Variants in UBN1 observed in about 807,000 individuals in gnomAD.
The protein encoded by UBN1 is ubinuclein 1, also known as ubinuclein-1.
A neutral mutation model predicts 108.5 loss-of-function variants in UBN1; 17 were observed. The ratio of observed to expected loss-of-function variants is 0.16; its 90% CI spans 0.11 to 0.24. UBN1 has a LOEUF of 0.24. Ranked by LOEUF, UBN1 falls within the 10% of genes least tolerant of loss-of-function variation. The pLI, the probability that UBN1 is intolerant of heterozygous loss-of-function variation, is 1.00. For missense variants in UBN1, 1,595 were observed against 1,394.4 expected (o/e 1.14, Z -2.29); for synonymous variants, 726 against 564.2 (o/e 1.29, Z -4.07).
rs765016388 is a variant in UBN1, at chr16:4,858,006, A to G, written c.266A>G (p.Asp89Gly). The part of the protein sequence containing the change: ...QPGDKKKDLS[D>G]PFNDEEKERH... ...TCTTTACAGAAGAAAGATCTGTCAGATCCTTTCAATGACGAAGAAAAGGAA... is the reference window on the plus strand; with the variant it reads ...TCTTTACAGAAGAAAGATCTGTCAGGTCCTTTCAATGACGAAGAAAAGGAA... The change falls in exon 3 of 18, where the codon GAT becomes GGT. Residue 89 changes from aspartate (D) to glycine (G), a missense_variant. Physicochemically the swap from Asp to Gly is moderately conservative, Grantham distance 94. This residue lies in a region of UBN1 where 181 missense variants were observed against 157.3 expected (regional missense o/e 1.15). Coordinates refer to ENST00000262376, the MANE Select transcript of UBN1 (RefSeq NM_001079514.3). 3 of 1,612,830 alleles carry G rather than the reference A, an allele frequency of 1.9e-6. No homozygotes were observed. The highest frequency in any genetic ancestry group is 2.5e-6 in the Non-Finnish European group (3 of 1,179,396).
At chr16:4,879,541 GCTT>G (rs2088017150) in intron 17 of UBN1, among the ~76,000 whole-genome samples, 2 of 152,216 alleles carry the variant, frequency 1.3e-5, no homozygotes, top group South Asian at 4.1e-4. Context: ...ATCCAAGTGA[GCTT>G]CTCTCACTTC....
intron 7 of UBN1, 84 bp downstream of exon 7, chr16:4,861,186 A>G (rs2142174493): frequency 2.1e-6 from 3 of 1,437,768 alleles, no homozygotes; most frequent in Middle Eastern, 2.5e-4. Flanking sequence ...AAGCTTGCCC[A>G]GAGAAACTCT....
At chr16:4,875,573 A>G in intron 15 of UBN1, 139 bp downstream of exon 15, 1 of 1,276,778 alleles carries the variant, frequency 7.8e-7, no homozygotes, top group Non-Finnish European at 1.1e-6. Context: ...GTAGGAAGGG[A>G]GACTGGGCTC....
intron 2 of UBN1, among the ~76,000 whole-genome samples, chr16:4,853,403 G>A (rs2086645172): frequency 6.6e-6 from 1 of 152,082 alleles, no homozygotes; most frequent in Admixed American, 6.5e-5. Flanking sequence ...ATTTTTCTCT[G>A]CCAAGGTTAT....
In UBN1 at chr16:4,877,460, C is replaced by A. The variant is rs747249805; in HGVS notation, c.3341C>A (p.Pro1114Gln). 1 of 1,610,976 alleles carries A rather than the reference C, an allele frequency of 6.2e-7. No homozygotes were observed. The highest frequency in any genetic ancestry group is 1.7e-5 in the Admixed American group (1 of 59,884). The change falls in exon 17 of 18, where the codon CCG becomes CAG. Residue 1114 changes from proline (P) to glutamine (Q), a missense_variant. By Grantham distance (76) the Pro-to-Gln change is moderately conservative. Transcript: ENST00000262376. The surrounding 1 kb of genome is among the most constrained non-coding windows in gnomAD (Gnocchi z 4.3). ...LPHAAVPTHI[P>Q]QSLPGASQLH... ...CACGCTGCGGTGCCCACCCATATCC[C>A]GCAGAGTCTGCCAGGTAATCACCCG...
At chr16:4,862,199 G>A (rs541119209) in intron 7 of UBN1, among the ~76,000 whole-genome samples, 49 of 152,318 alleles carry the variant, frequency 3.2e-4, no homozygotes, top group African/African-American at 1.1e-3. Flanking sequence ...GATTCTTACA[G>A]TATTTCAGAA....
chr16:4,871,411 C>T (rs2087624189), intron 12 of UBN1, 110 bp downstream of exon 12: 1 of 1,465,332 alleles, frequency 6.8e-7, no homozygotes, highest in African/African-American at 1.4e-5. Flanking sequence ...TGTCTAGCTG[C>T]CTCAACTCTG....
At chr16:4,871,735 T>C (rs547265404) in intron 12 of UBN1, among the ~76,000 whole-genome samples, 3 of 151,982 alleles carry the variant, frequency 2.0e-5, no homozygotes, top group South Asian at 2.1e-4. Flanking sequence ...TACAGGTGCC[T>C]GCCACCATGC....
rs201595576 is a variant in UBN1 at position 4,853,032 on chromosome 16, G to C, written c.115G>C (p.Glu39Gln). Residue 39 changes from glutamate to glutamine, a missense_variant, in exon 2 of 18, where the codon GAG (glutamate) becomes CAG (glutamine). Coordinates refer to ENST00000262376, the MANE Select transcript of UBN1 (RefSeq NM_001079514.3). Reference protein sequence around the residue: ...AGAGEQHQDCEPAAAAVRITL... With the variant: ...AGAGEQHQDCQPAAAAVRITL... ...GGCAGGAGAACAGCATCAGGACTGT[G>C]AGCCGGCTGCAGCAGCTGTTCGGAT... 1.9e-6 allele frequency: 3 copies of C among 1,614,210 alleles called. No homozygotes were observed. The East Asian group carries it at 6.7e-5, about 36-fold the overall frequency.
intron 1 of UBN1, among the ~76,000 whole-genome samples, chr16:4,851,687 G>C (rs73517042): frequency 0.22 from 33,738 of 151,992 alleles, 4,295 homozygotes; most frequent in South Asian, 0.29. Context: ...AGGCATGGTG[G>C]GATATACCTG....
chr16:4,877,281 T>A lies in UBN1; in HGVS notation c.3266-104T>A. 1 of 1,525,272 alleles carries A rather than the reference T, an allele frequency of 6.6e-7. No homozygotes were observed. Among genetic ancestry groups the A allele is most frequent in the Non-Finnish European group, 8.8e-7 (1 of 1,131,404 alleles). The allele number at this position is 1,525,272 out of a possible 1,614,324, so 94.5% of individuals were successfully genotyped here. A position where few individuals can be genotyped will look rare whatever the true frequency, so the allele number is the denominator to read the frequency against. The stretch of plus-strand genomic sequence containing the variant: ...GCCCCTTTGGGTGTGGTGCCCAGAC[T>A]GGCCTGGCAGGTTATCGGGGGCTTT... On this transcript the variant is annotated intron_variant, in intron 16 of 17. Transcript: ENST00000262376. This position sits in a 1 kb window ranked among gnomAD's most constrained non-coding sequence, Gnocchi z 4.3.
chr16:4,863,829 A>T (rs758568161), intron 7 of UBN1, among the ~76,000 whole-genome samples: 2 of 151,878 alleles, frequency 1.3e-5, no homozygotes, highest in African/African-American at 4.8e-5. Context: ...CTGGCCTTTC[A>T]TCCTGCCTTC....
intron 12 of UBN1, 145 bp downstream of exon 12, chr16:4,871,446 A>C (rs1175378548): frequency 8.3e-7 from 1 of 1,205,132 alleles, no homozygotes; most frequent in Non-Finnish European, 1.1e-6. Flanking sequence ...ACTGGGGGAC[A>C]TGCAGGTAGC....
chr16:4,856,945 G>A (rs952532271), intron 2 of UBN1, among the ~76,000 whole-genome samples: 1 of 152,178 alleles, frequency 6.6e-6, no homozygotes, highest in Non-Finnish European at 1.5e-5. Context: ...ATGGGAGGGT[G>A]AGATAAGAAA....
chr16:4,854,247 G>A (rs28846492), intron 2 of UBN1, among the ~76,000 whole-genome samples: 84,137 of 151,262 alleles, frequency 0.56, 24,635 homozygotes, highest in African/African-American at 0.74. Context: ...GTTAGTCAGG[G>A]TGGTCTCGAT....
chr16:4,866,841 G>T (rs1383292139), intron 7 of UBN1, among the ~76,000 whole-genome samples: 1 of 152,176 alleles, frequency 6.6e-6, no homozygotes, highest in Non-Finnish European at 1.5e-5. Flanking sequence ...TCATGAGCTC[G>T]TTACATAAAT....
intron 12 of UBN1, among the ~76,000 whole-genome samples, chr16:4,871,638 G>A (rs928532248): frequency 1.2e-4 from 16 of 137,060 alleles, no homozygotes; most frequent in Non-Finnish European, 2.4e-4. Context: ...CTGGGCTGGA[G>A]TGCAGTGGTA....
At chr16:4,861,460 AC>A (rs1567911211) in intron 7 of UBN1, among the ~76,000 whole-genome samples, 1 of 152,244 alleles carries the variant, frequency 6.6e-6, no homozygotes, top group Non-Finnish European at 1.5e-5. Context: ...TAGAATTCTT[AC>A]GAAGGTTTTG....
chr16:4,861,218 G>A (rs2087045471), intron 7 of UBN1, 116 bp downstream of exon 7: 2 of 1,224,896 alleles, frequency 1.6e-6, no homozygotes, highest in South Asian at 1.6e-5. Context: ...CAGTTAAGGT[G>A]TCAGCTTTTT....
Sources: gnomAD v4.1 joint callset for allele counts (sites outside exome capture counted in the v4.1 genomes callset) on GRCh38, gnomAD v4.1.1 for gene constraint, gnomAD v4.1.1 regional missense constraint, Gnocchi (gnomAD v3.1) non-coding constraint, MANE v1.5 for transcripts, NCBI Gene and HGNC (gene_info 2026-07-23, HGNC 2026-07-21) for gene names.